ERP44: variants seen among roughly 807,000 people sequenced by gnomAD.
ERP44 encodes endoplasmic reticulum protein 44.
A neutral mutation model predicts 53.4 loss-of-function variants in ERP44; 25 were observed. The observed-to-expected ratio is 0.47, with a 90% CI of 0.34 to 0.65. The LOEUF (loss-of-function observed/expected upper bound fraction) is 0.65. Ranked by LOEUF, ERP44 falls within the 30% of genes least tolerant of loss-of-function variation. ERP44 has a pLI of 0.01. For synonymous variants in ERP44, 145 were observed against 161.2 expected (o/e 0.90, Z 0.76); for missense variants, 338 against 493.2 (o/e 0.69, Z 2.98).
At chr9:100,059,370 T>A (rs1826117276) in intron 2 of ERP44, among the ~76,000 whole-genome samples, 1 of 152,200 alleles carries the variant, frequency 6.6e-6, no homozygotes, top group Non-Finnish European at 1.5e-5. Flanking sequence ...AACCACATTG[T>A]CAGCAAACAA....
intron 10 of ERP44, chr9:99,998,427 G>C (rs151055786): frequency 6.0e-5 from 39 of 653,770 alleles, no homozygotes; most frequent in Middle Eastern, 7.9e-4. Flanking sequence ...TCGTTTGCCA[G>C]TCACTCCTTT....
At position 99,980,283 on chromosome 9, in the gene ERP44, CT is replaced by C. The variant is rs910847487; in HGVS notation, c.*2328del. 53 of 379,878 alleles carry C rather than the reference CT, an allele frequency of 1.4e-4. No homozygotes were observed. The highest frequency in any genetic ancestry group is 7.1e-4 in the African/African-American group (34 of 48,224). 23.5% of individuals were successfully genotyped at this position (379,878 alleles called of 1,614,324 possible). On this transcript the variant is annotated 3_prime_UTR_variant, in exon 12 of 12. Coordinates refer to ENST00000262455, the MANE Select transcript of ERP44 (RefSeq NM_015051.3). ...AGGGCAGAAATAATGCTTTATTCAG[CT>C]TTACATCTTTCATCATATACTACAG...
intron 1 of ERP44, among the ~76,000 whole-genome samples, chr9:100,082,549 G>A (rs546190915): frequency 3.3e-5 from 5 of 152,056 alleles, no homozygotes; most frequent in African/African-American, 4.8e-5. Context: ...ATATACAGTC[G>A]TCCATGGGTA....
intron 5 of ERP44, among the ~76,000 whole-genome samples, chr9:100,021,622 G>T (rs1470794741): frequency 6.6e-6 from 1 of 151,988 alleles, no homozygotes; most frequent in Admixed American, 6.6e-5. Context: ...CAAAGAAAGG[G>T]GTGTGCTAAA....
intron 6 of ERP44, among the ~76,000 whole-genome samples, chr9:100,019,060 G>A (rs935723391): frequency 6.6e-6 from 1 of 152,192 alleles, no homozygotes; most frequent in African/African-American, 2.4e-5. Flanking sequence ...CTAACAAGTA[G>A]ATATATTTAT....
At chr9:100,030,907 C>T (rs1825780058) in intron 4 of ERP44, among the ~76,000 whole-genome samples, 1 of 152,148 alleles carries the variant, frequency 6.6e-6, no homozygotes, top group South Asian at 2.1e-4. Flanking sequence ...TTCTCCCTTT[C>T]CTATCCTCTG....
intron 1 of ERP44, among the ~76,000 whole-genome samples, chr9:100,074,206 G>A (rs1474121021): frequency 1.3e-5 from 2 of 152,114 alleles, no homozygotes; most frequent in African/African-American, 4.8e-5. Flanking sequence ...GTTATCACAG[G>A]AGTCCCCAAA....
chr9:100,079,520 C>G (rs940772269), intron 1 of ERP44, among the ~76,000 whole-genome samples: 1 of 152,002 alleles, frequency 6.6e-6, no homozygotes, highest in African/African-American at 2.4e-5. Flanking sequence ...ACTGCCACCA[C>G]GCCTGGCTGA....
At chr9:100,009,128 T>C (rs1397679664) in intron 8 of ERP44, among the ~76,000 whole-genome samples, 1 of 152,236 alleles carries the variant, frequency 6.6e-6, no homozygotes, top group African/African-American at 2.4e-5. Flanking sequence ...AGCTTTTTTT[T>C]TGAGACGGAG....
intron 10 of ERP44, among the ~76,000 whole-genome samples, chr9:100,004,310 G>A (rs1830406291): frequency 6.6e-6 from 1 of 152,218 alleles, no homozygotes; most frequent in Admixed American, 6.5e-5. Context: ...CTGGGTCTGT[G>A]AGTGCTAGCC....
At chr9:100,012,550 C>T (rs900107355) in intron 8 of ERP44, among the ~76,000 whole-genome samples, 5 of 152,100 alleles carry the variant, frequency 3.3e-5, no homozygotes, top group Non-Finnish European at 5.9e-5. Flanking sequence ...CAGAGAATCT[C>T]ATACAAACAT....
chr9:100,008,879 C>A (rs1830444224), intron 8 of ERP44, among the ~76,000 whole-genome samples: 1 of 152,016 alleles, frequency 6.6e-6, no homozygotes, highest in Non-Finnish European at 1.5e-5. Flanking sequence ...ATAGTGAGGA[C>A]TACAAACATG....
chr9:99,991,914 T>C (rs182372122), intron 10 of ERP44, among the ~76,000 whole-genome samples: 64 of 152,222 alleles, frequency 4.2e-4, no homozygotes, highest in Non-Finnish European at 8.2e-4. Context: ...CTAGAAAATC[T>C]AGAAGAAATG....
intron 1 of ERP44, among the ~76,000 whole-genome samples, chr9:100,080,498 T>C (rs1452546671): frequency 3.9e-5 from 6 of 151,924 alleles, no homozygotes; most frequent in African/African-American, 1.2e-4. Context: ...TGAAGGAAAT[T>C]CAAGATACAT....
intron 11 of ERP44, among the ~76,000 whole-genome samples, chr9:99,983,259 G>T (rs1323011869): frequency 2.0e-5 from 3 of 152,180 alleles, no homozygotes; most frequent in African/African-American, 7.2e-5. Flanking sequence ...AGTGAAACGA[G>T]CTATTTCCAA....
chr9:100,051,034 C>A (rs777437552), intron 4 of ERP44, among the ~76,000 whole-genome samples: 2 of 152,218 alleles, frequency 1.3e-5, no homozygotes, highest in East Asian at 3.9e-4. Context: ...TCTCTGTCAG[C>A]GAAAGGTCGG....
chr9:100,039,842 C>G (rs191043698), intron 4 of ERP44, among the ~76,000 whole-genome samples: 3 of 152,150 alleles, frequency 2.0e-5, no homozygotes, highest in Admixed American at 2.0e-4. Context: ...GGAGACATCA[C>G]AACTGATACC....
chr9:100,048,192 GGATAGCATTAGGA>G (rs549683118), intron 4 of ERP44, among the ~76,000 whole-genome samples: 65 of 152,038 alleles, frequency 4.3e-4, no homozygotes, highest in African/African-American at 1.4e-3. Flanking sequence ...GAGGGGGGAG[GGATAGCATTAGGA>G]GATATACCTA....
At chr9:100,063,092 A>AAAAAAAAAG (rs773290883) in intron 1 of ERP44, among the ~76,000 whole-genome samples, 2 of 145,238 alleles carry the variant, frequency 1.4e-5, no homozygotes, top group Non-Finnish European at 3.0e-5. Context: ...AAAAAAAAAA[A>AAAAAAAAAG]AGAGAGAGAG....
Sources: allele counts gnomAD v4.1 joint callset (sites outside exome capture counted in the v4.1 genomes callset), GRCh38; gene constraint gnomAD v4.1.1; transcripts MANE v1.5; gene names NCBI Gene and HGNC (gene_info 2026-07-23, HGNC 2026-07-21).